HMCN1: variants seen among roughly 807,000 people sequenced by gnomAD.
HMCN1 encodes the protein hemicentin 1.
HMCN1 carries 321 observed loss-of-function variants against 625.9 expected under a neutral mutation model. That is an observed-to-expected ratio of 0.51 (90% CI 0.47 to 0.56). The LOEUF is 0.56. Ranked by LOEUF, HMCN1 falls within the 20% of genes least tolerant of loss-of-function variation. The pLI, the probability that HMCN1 is intolerant of heterozygous loss-of-function variation, is 0.00. For missense variants in HMCN1, 6,588 were observed against 6,887.3 expected, an observed-to-expected ratio of 0.96 and a Z score of 1.54; for synonymous variants, 2,425 against 2,417.6, an observed-to-expected ratio of 1.00 and a Z score of -0.09.
At chr1:185,870,108 G>A (rs1663518363) in intron 4 of HMCN1, among the ~76,000 whole-genome samples, 1 of 151,022 alleles carries the variant, frequency 6.6e-6, no homozygotes, top group Non-Finnish European at 1.5e-5. Flanking sequence ...GGAAACCAAA[G>A]TGAAGAAATT....
At chr1:186,084,411 T>C (rs1366273133) in intron 57 of HMCN1, among the ~76,000 whole-genome samples, 2 of 152,182 alleles carry the variant, frequency 1.3e-5, no homozygotes, top group Non-Finnish European at 2.9e-5. Flanking sequence ...TTCAGAAATG[T>C]GTTTCTTCTT....
At chr1:185,899,061 T>C (rs1207155261) in intron 4 of HMCN1, among the ~76,000 whole-genome samples, 2 of 152,064 alleles carry the variant, frequency 1.3e-5, no homozygotes, top group Non-Finnish European at 2.9e-5. Flanking sequence ...AAAAGGGTAA[T>C]AAAATGTGTT....
intron 1 of HMCN1, among the ~76,000 whole-genome samples, chr1:185,740,701 G>T (rs1571287551): frequency 6.7e-6 from 1 of 148,882 alleles, no homozygotes. Flanking sequence ...GGGGGTAGGG[G>T]GATGGGGTGG....
intron 1 of HMCN1, among the ~76,000 whole-genome samples, chr1:185,780,203 C>A (rs1656963804): frequency 6.6e-6 from 1 of 152,154 alleles, no homozygotes; most frequent in African/African-American, 2.4e-5. Flanking sequence ...ATTTTGTATC[C>A]TGAGACTTTG....
At chr1:186,033,270 T>C (rs1381949224) in intron 36 of HMCN1, among the ~76,000 whole-genome samples, 4 of 152,128 alleles carry the variant, frequency 2.6e-5, no homozygotes, top group South Asian at 4.1e-4. Context: ...ATAAGAATGA[T>C]ATAATGCACT....
At chr1:186,160,862 AGGTGT>A (rs1341001406) in intron 97 of HMCN1, among the ~76,000 whole-genome samples, 2 of 150,544 alleles carry the variant, frequency 1.3e-5, no homozygotes, top group Non-Finnish European at 2.9e-5. Context: ...ATTTTGGAAT[AGGTGT>A]GGTGTGGTGC....
chr1:186,022,976 T>C, intron 35 of HMCN1, 54 bp from the exon 36 acceptor site: 1 of 1,568,434 alleles, frequency 6.4e-7, no homozygotes, highest in Admixed American at 1.7e-5. Context: ...AGTGAATATT[T>C]TCAAATCCAA....
At chr1:186,184,869 A>C (rs1653182312) in intron 105 of HMCN1, among the ~76,000 whole-genome samples, 1 of 152,222 alleles carries the variant, frequency 6.6e-6, no homozygotes, top group African/African-American at 2.4e-5. Context: ...TATTTAATAG[A>C]AACCAGACAT....
intron 4 of HMCN1, among the ~76,000 whole-genome samples, chr1:185,894,145 A>C (rs189192316): frequency 1.0e-3 from 150 of 149,332 alleles, no homozygotes; most frequent in Non-Finnish European, 1.8e-4. Context: ...AAAAAAAACA[A>C]AAACAAAAAC....
chr1:185,934,714 T>C (rs1667725969), intron 11 of HMCN1, among the ~76,000 whole-genome samples: 1 of 152,176 alleles, frequency 6.6e-6, no homozygotes, highest in East Asian at 1.9e-4. Flanking sequence ...TGCATCAGAA[T>C]TGGGTCTAGC....
chr1:186,041,814 G>A (rs143611147), intron 40 of HMCN1, among the ~76,000 whole-genome samples: 223 of 152,064 alleles, frequency 1.5e-3, no homozygotes, highest in Non-Finnish European at 2.4e-3. Flanking sequence ...CTTAGTTCTT[G>A]GAATAATTAA....
At position 186,067,919 on chromosome 1, in the gene HMCN1, T is replaced by C. The variant is rs1658229779; in HGVS notation, c.7791T>C (p.Cys2597=). The change falls in exon 50 of 107, where the codon TGT becomes TGC. Residue 2597 remains cysteine, a synonymous_variant. Transcript: ENST00000271588. ...TTAACAGCCCTACATCTTTGGTCTG[T>C]GAAGCTTATTCATATCCTCCAGCTA... ...VILNSPTSLV[C]EAYSYPPATI... is the part of the protein sequence containing the mutation. 1 of 1,613,336 alleles carries C rather than the reference T, an allele frequency of 6.2e-7. No homozygotes were observed.
intron 28 of HMCN1, among the ~76,000 whole-genome samples, chr1:186,002,355 C>T (rs532574968): frequency 6.6e-6 from 1 of 152,114 alleles, no homozygotes; most frequent in East Asian, 1.9e-4. Context: ...GACATTCTCC[C>T]TTTTCAATAT....
At chr1:185,805,438 A>G (rs1659103128) in intron 1 of HMCN1, among the ~76,000 whole-genome samples, 1 of 152,194 alleles carries the variant, frequency 6.6e-6, no homozygotes, top group Non-Finnish European at 1.5e-5. Context: ...AATAACATTT[A>G]GGTAGAGATG....
At chr1:185,992,330 A>T (rs1319910996) in intron 22 of HMCN1, among the ~76,000 whole-genome samples, 1 of 152,170 alleles carries the variant, frequency 6.6e-6, no homozygotes, top group Admixed American at 6.5e-5. Context: ...CTTAACATGA[A>T]GAAAATTATA....
chr1:185,977,238 C>T (rs1651279845), intron 15 of HMCN1, among the ~76,000 whole-genome samples: 1 of 151,938 alleles, frequency 6.6e-6, no homozygotes. Context: ...ATTTAAATTT[C>T]TCTAATTCAA....
intron 80 of HMCN1, 117 bp downstream of exon 80, chr1:186,120,262 A>T: frequency 8.7e-7 from 1 of 1,145,608 alleles, no homozygotes; most frequent in South Asian, 1.5e-5. Context: ...CGACATTCTT[A>T]GTTTGCATTA....
rs1192520167 is a variant in HMCN1, at chr1:186,039,808, G to C, written c.6109G>C (p.Gly2037Arg). 1 of 1,613,312 alleles carries C rather than the reference G, an allele frequency of 6.2e-7. No individual in the cohort carries two copies. The highest frequency in any genetic ancestry group is 2.2e-5 in the East Asian group (1 of 44,816). The change falls in exon 39 of 107, where the codon GGT becomes CGT. Residue 2037 changes from glycine to arginine, a missense_variant. Gly to Arg is a moderately radical substitution (Grantham distance 125, BLOSUM62 -2). Around this residue, in one of 3 missense-constraint regions of HMCN1, gnomAD observed 4,628 missense variants for 4,853.1 expected, o/e 0.95. Transcript: ENST00000271588. ...NPVRLECEAR[G>R]IPAPSLTWLK... ...GGTGAGGTTAGAATGTGAAGCCAGAGGTATTCCTGCCCCAAGTCTGACCTG... is the reference window on the plus strand; with the variant it reads ...GGTGAGGTTAGAATGTGAAGCCAGACGTATTCCTGCCCCAAGTCTGACCTG...
intron 1 of HMCN1, among the ~76,000 whole-genome samples, chr1:185,803,800 A>G (rs556413765): frequency 2.6e-5 from 4 of 152,174 alleles, no homozygotes; most frequent in Admixed American, 6.5e-5. Context: ...CCAACCCTTC[A>G]GTTTTGTCAT....
Sources: gnomAD v4.1 joint callset for allele counts (sites outside exome capture counted in the v4.1 genomes callset) on GRCh38, gnomAD v4.1.1 for gene constraint, gnomAD v4.1.1 regional missense constraint, MANE v1.5 for transcripts, NCBI Gene and HGNC (gene_info 2026-07-23, HGNC 2026-07-21) for gene names.